FAM193A: variants seen among roughly 807,000 people sequenced by gnomAD.
FAM193A encodes the protein protein FAM193A.
In FAM193A, 22 loss-of-function variants were observed where a neutral mutation model predicts 126.5. The ratio of observed to expected loss-of-function variants is 0.17; its 90% CI spans 0.12 to 0.25. FAM193A has a LOEUF of 0.25. Among genes scored for constraint, FAM193A ranks in the 10% least tolerant of loss-of-function variants. The probability of loss-of-function intolerance (pLI) is 1.00; values close to 1 mark genes in which losing one functional copy is unlikely to be tolerated. For missense variants in FAM193A, 1,675 were observed against 1,672.8 expected (o/e 1.00, Z -0.02); for synonymous variants, 761 against 646.8 (o/e 1.18, Z -2.68).
intron 19 of FAM193A, chr4:2,708,055 T>C: frequency 2.7e-6 from 1 of 375,744 alleles, no homozygotes; most frequent in Non-Finnish European, 5.5e-6. Flanking sequence ...CAGCCTCAGA[T>C]TGTATTTCTA....
At position 2,596,115 on chromosome 4, in the gene FAM193A, C is replaced by T. The variant is rs1370528240; in HGVS notation, c.287C>T (p.Thr96Ile). ...TPFSFGMNHR[T>I]PPYPAGDYCL... ...TTTAGTTTTGGCATGAATCATAGGA[C>T]ACCACCCTACCCTGCTGGGGATTAT... is the stretch of plus-strand genomic sequence containing the variant. Residue 96 changes from threonine to isoleucine, a missense_variant, in exon 2 of 21, where the codon ACA (threonine) becomes ATA (isoleucine). By Grantham distance (89) the Thr-to-Ile change is moderately conservative (BLOSUM62 -1). Around this residue, in one of 4 missense-constraint regions of FAM193A, gnomAD observed 1,186 missense variants for 1,109.2 expected, o/e 1.07. Coordinates refer to ENST00000637812, the MANE Select transcript of FAM193A (RefSeq NM_001366318.2). The T allele has an allele frequency of 1.7e-5, 12 of 702,644 alleles. No individual in the cohort carries two copies. Among genetic ancestry groups the T allele is most frequent in the Non-Finnish European group, 3.1e-5 (12 of 384,958 alleles). The allele number at this position is 702,644 out of a possible 1,614,324, so 43.5% of individuals were successfully genotyped here.
intron 7 of FAM193A, chr4:2,654,788 C>G: frequency 3.5e-6 from 1 of 286,106 alleles, no homozygotes. Context: ...AAATCTTGAC[C>G]CATTTTGTGC....
intron 1 of FAM193A, among the ~76,000 whole-genome samples, chr4:2,543,919 C>T (rs114253822): frequency 0.01 from 1,445 of 144,378 alleles, 25 homozygotes; most frequent in African/African-American, 0.034. Flanking sequence ...CACCATACAG[C>T]GTATCCTCTG....
chr4:2,634,025 G>A (rs142333959), intron 5 of FAM193A, among the ~76,000 whole-genome samples: 1 of 152,206 alleles, frequency 6.6e-6, no homozygotes, highest in Non-Finnish European at 1.5e-5. Flanking sequence ...ATTTGCTGTG[G>A]GTATTTCTTC....
At position 2,646,700 on chromosome 4, in the gene FAM193A, A is replaced by G. The variant is rs763281671; in HGVS notation, c.1179A>G (p.Thr393=). The change falls in exon 7 of 21, where the codon ACA becomes ACG. Residue 393 remains threonine, a synonymous_variant. Coordinates refer to ENST00000637812, the MANE Select transcript of FAM193A (RefSeq NM_001366318.2). ...LVSQIRLGTT[T]HDTCSEDTYS... is the part of the protein sequence containing the mutation. ...TCTCTCCTAGGCTAGGAACCACCAC[A>G]CACGACACCTGCAGTGAGGACACAT... is the stretch of plus-strand genomic sequence containing the variant. 2 of 1,608,768 alleles carry G rather than the reference A, an allele frequency of 1.2e-6. No individual in the cohort carries two copies. The highest frequency in any genetic ancestry group is 1.3e-5 in the African/African-American group (1 of 74,678).
At chr4:2,561,523 G>C (rs185405624) in intron 1 of FAM193A, among the ~76,000 whole-genome samples, 3,805 of 115,106 alleles carry the variant, frequency 0.033, 194 homozygotes, top group African/African-American at 0.12. Context: ...TTGAGACCGA[G>C]TCTCACTTTG....
At chr4:2,615,412 AC>A (rs1742120071) in intron 2 of FAM193A, among the ~76,000 whole-genome samples, 1 of 152,176 alleles carries the variant, frequency 6.6e-6, no homozygotes, top group Non-Finnish European at 1.5e-5. Context: ...GCTGCATCCC[AC>A]AAATTCTGGT....
intron 12 of FAM193A, among the ~76,000 whole-genome samples, chr4:2,663,707 C>G (rs953182389): frequency 6.6e-6 from 1 of 152,208 alleles, no homozygotes; most frequent in Admixed American, 6.5e-5. Flanking sequence ...TGGCTCACGC[C>G]TGTAATCCCA....
chr4:2,571,224 C>G (rs1739275734), intron 1 of FAM193A, among the ~76,000 whole-genome samples: 1 of 152,158 alleles, frequency 6.6e-6, no homozygotes. Context: ...GTTTTTATGA[C>G]AGGCCTTGTT....
chr4:2,680,965 C>G (rs1358197655), intron 13 of FAM193A, among the ~76,000 whole-genome samples: 2 of 152,142 alleles, frequency 1.3e-5, no homozygotes, highest in East Asian at 3.9e-4. Context: ...CTTATAATAC[C>G]TTTTATGTTT....
chr4:2,728,491 G>A (rs942118894), intron 20 of FAM193A, among the ~76,000 whole-genome samples: 1 of 151,982 alleles, frequency 6.6e-6, no homozygotes, highest in Non-Finnish European at 1.5e-5. Context: ...CAGCTGAGAA[G>A]CTGAGACCTT....
intron 6 of FAM193A, among the ~76,000 whole-genome samples, chr4:2,643,678 C>T (rs1316315133): frequency 2.6e-5 from 4 of 152,168 alleles, no homozygotes; most frequent in Admixed American, 1.3e-4. Flanking sequence ...AAGAACTAGG[C>T]CATCTGTCCT....
chr4:2,560,344 C>T (rs1042962083), intron 1 of FAM193A, among the ~76,000 whole-genome samples: 2 of 152,130 alleles, frequency 1.3e-5, no homozygotes, highest in African/African-American at 4.8e-5. Context: ...ATTTCTTCAC[C>T]GTCCGAGGCC....
At chr4:2,691,985 ATT>A (rs1716439195) in intron 15 of FAM193A, among the ~76,000 whole-genome samples, 1 of 152,132 alleles carries the variant, frequency 6.6e-6, no homozygotes, top group Admixed American at 6.5e-5. Flanking sequence ...AGTATGCAGC[ATT>A]CATGGAGGTT....
intron 1 of FAM193A, among the ~76,000 whole-genome samples, chr4:2,539,147 C>T (rs1204045272): frequency 1.3e-5 from 2 of 152,090 alleles, no homozygotes; most frequent in East Asian, 1.9e-4. Context: ...CTGCTTTGGC[C>T]TCTCAAAGTC....
chr4:2,657,886 C>T lies in FAM193A; in HGVS notation c.1389+6C>T, dbSNP rs532169028. The stretch of plus-strand genomic sequence containing the variant: ...GAAGATTCATTGAAGAACAGGTAAG[C>T]TTGTCAATAAGAGAGGCAATTAAAG... On this transcript the variant is annotated splice_donor_region_variant and intron_variant, in intron 8 of 20. Transcript: ENST00000637812. The T allele has an allele frequency of 2.5e-6, 4 of 1,592,890 alleles. No individual in the cohort carries two copies. The highest frequency in any genetic ancestry group is 1.3e-5 in the African/African-American group (1 of 74,374).
intron 13 of FAM193A, among the ~76,000 whole-genome samples, chr4:2,688,377 G>A (rs1047704056): frequency 1.3e-5 from 2 of 152,130 alleles, no homozygotes; most frequent in South Asian, 2.1e-4. Flanking sequence ...AGGCAACGCC[G>A]GCTTCTCTGA....
chr4:2,552,281 G>A (rs541262697), intron 1 of FAM193A, among the ~76,000 whole-genome samples: 2 of 150,760 alleles, frequency 1.3e-5, no homozygotes, highest in African/African-American at 2.4e-5. Context: ...AAAGTGCTGG[G>A]ATTACAGGCG....
At chr4:2,637,266 G>T (rs1744176831) in intron 5 of FAM193A, among the ~76,000 whole-genome samples, 1 of 152,190 alleles carries the variant, frequency 6.6e-6, no homozygotes, top group African/African-American at 2.4e-5. Flanking sequence ...GGCGGAGGTT[G>T]CAGTGAGCCA....
Sources: gnomAD v4.1 joint callset for allele counts (sites outside exome capture counted in the v4.1 genomes callset) on GRCh38, gnomAD v4.1.1 for gene constraint, gnomAD v4.1.1 regional missense constraint, MANE v1.5 for transcripts, NCBI Gene and HGNC (gene_info 2026-07-23, HGNC 2026-07-21) for gene names.